Variants in MED23 observed in about 807,000 individuals in gnomAD.
The protein encoded by MED23 is mediator of RNA polymerase II transcription subunit 23.
In MED23, 105 loss-of-function variants were observed where a neutral mutation model predicts 163.9. That is an observed-to-expected ratio of 0.64 (90% confidence interval 0.55 to 0.75). The LOEUF (loss-of-function observed/expected upper bound fraction) is 0.75. Among genes scored for constraint, MED23 ranks in the 30% least tolerant of loss-of-function variants. The pLI, the probability that MED23 is intolerant of heterozygous loss-of-function variation, is 0.00. For missense variants in MED23, 1,054 were observed against 1,649.0 expected, an observed-to-expected ratio of 0.64 and a Z score of 6.25; for synonymous variants, 561 against 565.6, an observed-to-expected ratio of 0.99 and a Z score of 0.12.
intron 5 of MED23, among the ~76,000 whole-genome samples, chr6:131,622,399 G>A (rs1777176118): frequency 6.6e-6 from 1 of 152,134 alleles, no homozygotes; most frequent in Admixed American, 6.5e-5. Flanking sequence ...GGGATTATAG[G>A]TGTAAGCCAC....
rs1388339073 is a variant in MED23 at position 131,589,338 on chromosome 6, C to G, written c.3939+127G>C. On this transcript the variant is annotated intron_variant, in intron 28 of 28. Transcript: ENST00000368068. ...ATGCCTAAAAAGGTCTCATACCCAC[C>G]CTTTTTCCTTAAAAGAAAAAATTAG... 1.2e-5 allele frequency: 10 copies of G among 860,854 alleles called. No individual in the cohort carries two copies. The East Asian group carries it at 2.6e-4, about 23-fold the overall frequency. 53.3% of individuals were successfully genotyped at this position (860,854 alleles called of 1,614,324 possible).
At chr6:131,611,907 T>A (rs967764637) in intron 10 of MED23, among the ~76,000 whole-genome samples, 1 of 152,152 alleles carries the variant, frequency 6.6e-6, no homozygotes. Flanking sequence ...TTTTTTAGTA[T>A]TAGCTATTTA....
In MED23 at chr6:131,594,347, A is replaced by C. The variant is rs779631095; in HGVS notation, c.2996-12T>G. On this transcript the variant is annotated splice_polypyrimidine_tract_variant and intron_variant, in intron 22 of 28. Coordinates refer to ENST00000368068, the MANE Select transcript of MED23 (RefSeq NM_004830.4). ...AGTCACTGGACGATCTGCCAAGAAA[A>C]AAACATACCACCACAATGTTTAACT... The C allele has an allele frequency of 6.4e-7, 1 of 1,572,292 alleles. No individual in the cohort carries two copies.
chr6:131,594,029 G>GA lies in MED23; in HGVS notation c.3232+69dup, dbSNP rs1381488404. The GA allele has an allele frequency of 3.0e-6, 4 of 1,332,146 alleles. No individual in the cohort carries two copies. In the African/African-American group the frequency reaches 4.4e-5, roughly 15 times the overall value. 82.5% of individuals were successfully genotyped at this position (1,332,146 alleles called of 1,614,324 possible). A position where few individuals can be genotyped will look rare whatever the true frequency, so the allele number is the denominator to read the frequency against. ...AAATACATAAAAAATTACTTTAAAA[G>GA]AAAAAATATATTCTCATAAATCAAA... is the stretch of plus-strand genomic sequence containing the variant. On this transcript the variant is annotated intron_variant, in intron 23 of 28. Transcript: ENST00000368068.
chr6:131,623,622 G>C (rs995697027), intron 4 of MED23, among the ~76,000 whole-genome samples, 160 bp from the exon 5 acceptor site: 3 of 152,190 alleles, frequency 2.0e-5, no homozygotes, highest in Admixed American at 1.3e-4. Context: ...AAATCATGAG[G>C]GACAGTTCCC....
At chr6:131,613,218 ATC>A (rs2114713269) in intron 10 of MED23, among the ~76,000 whole-genome samples, 1 of 152,248 alleles carries the variant, frequency 6.6e-6, no homozygotes, top group East Asian at 1.9e-4. Flanking sequence ...TGAGGAGTGT[ATC>A]TGTTTTGTAG....
intron 21 of MED23, 164 bp downstream of exon 21, chr6:131,596,354 A>T: frequency 4.4e-6 from 4 of 917,756 alleles, no homozygotes; most frequent in Non-Finnish European, 6.8e-6. Context: ...TATTCTCAAC[A>T]TTATAGAAAC....
chr6:131,582,936 T>C (rs1774009960), downstream of MED23: 4 of 796,064 alleles, frequency 5.0e-6, no homozygotes, highest in South Asian at 3.5e-5. Flanking sequence ...TAAAACTATA[T>C]TGAGTTAGGT....
At chr6:131,622,100 G>T in intron 5 of MED23, 121 bp from the exon 6 acceptor site, 1 of 672,490 alleles carries the variant, frequency 1.5e-6, no homozygotes, top group Non-Finnish European at 2.6e-6. Context: ...TTCTGAATCA[G>T]TTACAATCTA....
Position 131,628,183 on chromosome 6 carries a change from C to A in MED23, c.-134G>T, listed in dbSNP as rs981781331. On this transcript the variant is annotated 5_prime_UTR_variant, in exon 1 of 29. Coordinates refer to ENST00000368068, the MANE Select transcript of MED23 (RefSeq NM_004830.4). ...TCCTCGGCGTCGCTTCCTCCCCCAG[C>A]GCTTTACCTGGAGCGTTCCCTCCCG... 3 of 1,032,444 alleles carry A rather than the reference C, an allele frequency of 2.9e-6. No homozygotes were observed. In the Admixed American group the frequency reaches 5.4e-5, roughly 19 times the overall value. 64.0% of individuals were successfully genotyped at this position (1,032,444 alleles called of 1,614,324 possible).
At position 131,603,150 on chromosome 6, in the gene MED23, AGT is replaced by A; in HGVS notation, c.1809_1810del (p.Leu604ProfsTer2). On this transcript the variant is annotated frameshift_variant, in exon 16 of 29. Coordinates refer to ENST00000368068, the MANE Select transcript of MED23 (RefSeq NM_004830.4). LOFTEE classifies it high-confidence loss of function. ...CATCCGGTAGCTAAACATCTCAAGG[AGT>A]GTGTGTAAGATCCCCCATGCATGTG... The A allele has an allele frequency of 6.2e-7, 1 of 1,613,978 alleles. No homozygotes were observed. The highest frequency in any genetic ancestry group is 8.5e-7 in the Non-Finnish European group (1 of 1,179,880).
At chr6:131,603,007 A>G in intron 16 of MED23, 23 bp downstream of exon 16, 1 of 1,611,894 alleles carries the variant, frequency 6.2e-7, no homozygotes, top group Non-Finnish European at 8.5e-7. Flanking sequence ...ATCTTAAGGA[A>G]AGATGGTCTT....
chr6:131,597,392 C>T (rs1054827902), intron 20 of MED23, among the ~76,000 whole-genome samples: 6 of 143,920 alleles, frequency 4.2e-5, no homozygotes, highest in African/African-American at 8.0e-5. Flanking sequence ...AGGATAATGG[C>T]GTGAACCCGG....
At position 131,587,069 on chromosome 6, in the gene MED23, A is replaced by G. The variant is rs1294193635; in HGVS notation, c.*610T>C. 1 of 1,356,456 alleles carries G rather than the reference A, an allele frequency of 7.4e-7. No individual in the cohort carries two copies. The highest frequency in any genetic ancestry group is 1.5e-5 in the African/African-American group (1 of 67,562). The allele number at this position is 1,356,456 out of a possible 1,614,324, so 84.0% of individuals were successfully genotyped here. ...CCAACTAATTTTATACAGTAAGTTCAAGTCCATAGCAAAGGTAATAAAACT... is the reference window on the plus strand; with the variant it reads ...CCAACTAATTTTATACAGTAAGTTCGAGTCCATAGCAAAGGTAATAAAACT... On this transcript the variant is annotated 3_prime_UTR_variant, in exon 29 of 29. Transcript: ENST00000368068.
At chr6:131,577,544 C>T (rs74707177) in intron 30 of MED23, among the ~76,000 whole-genome samples, 4,980 of 152,072 alleles carry the variant, frequency 0.033, 166 homozygotes, top group East Asian at 0.15. Flanking sequence ...AAATGCCCAT[C>T]AACTGGTAGA....
At chr6:131,620,834 C>G (rs1336769198) in intron 6 of MED23, 105 bp from the exon 7 acceptor site, 9 of 638,962 alleles carry the variant, frequency 1.4e-5, no homozygotes, top group Non-Finnish European at 2.4e-5. Flanking sequence ...CAGGGTCTTG[C>G]TCTGTTGCCC....
rs141690073 is a variant in MED23 at position 131,616,991 on chromosome 6, C to T, written c.781-989G>A. ...CAAAAAACAGCTTTTTAGCTTAAAG[C>T]ATATCAACTTTTTGAGAAGTAGATG... On this transcript the variant is annotated intron_variant, in intron 9 of 28. Coordinates refer to ENST00000368068, the MANE Select transcript of MED23 (RefSeq NM_004830.4). Among the ~76,000 whole-genome samples, 1,145 of 151,964 alleles carry T rather than the reference C, an allele frequency of 7.5e-3. 18 individuals are homozygous for T. Among genetic ancestry groups the T allele is most frequent in the Middle Eastern group, 0.058 (17 of 292 alleles).
In MED23 at chr6:131,627,317, T is replaced by C. The variant is rs571296669; in HGVS notation, c.159+79A>G. The stretch of plus-strand genomic sequence containing the variant: ...GAAGATCTTAAGAGCAGCATGAAAG[T>C]AAATGTTAAAAGAAAAAAAAAAAAA... On this transcript the variant is annotated intron_variant, in intron 3 of 28. Transcript: ENST00000368068. 15 of 959,174 alleles carry C rather than the reference T, an allele frequency of 1.6e-5. No homozygotes were observed. In the East Asian group the frequency reaches 3.7e-4, roughly 24 times the overall value. 59.4% of individuals were successfully genotyped at this position (959,174 alleles called of 1,614,324 possible).
chr6:131,589,641 C>A, intron 27 of MED23, 45 bp from the exon 28 acceptor site: 1 of 1,590,190 alleles, frequency 6.3e-7, no homozygotes, highest in South Asian at 1.1e-5. Flanking sequence ...TCAAGTGATT[C>A]AGTAATTCAG....
Sources: gnomAD v4.1 joint callset for allele counts (sites outside exome capture counted in the v4.1 genomes callset) on GRCh38, gnomAD v4.1.1 for gene constraint, MANE v1.5 for transcripts, NCBI Gene and HGNC (gene_info 2026-07-23, HGNC 2026-07-21) for gene names.